Variants in COL4A4 observed in about 807,000 individuals in gnomAD.
COL4A4 encodes the protein collagen type IV alpha 4 chain.
In COL4A4, 105 loss-of-function variants were observed where a neutral mutation model predicts 192.9. The observed-to-expected ratio is 0.54, with a 90% CI of 0.46 to 0.64. The LOEUF is 0.64. COL4A4 is among the 30% of genes least tolerant of loss of function. The probability of loss-of-function intolerance (pLI) is 0.00; values close to 1 mark genes in which losing one functional copy is unlikely to be tolerated. For missense variants in COL4A4, 1,967 were observed against 2,169.3 expected (o/e 0.91, Z 1.85); for synonymous variants, 762 against 769.9 (o/e 0.99, Z 0.17).
chr2:226,998,455 G>GTCT (rs1253073029), downstream of COL4A4: 2 of 152,158 alleles, frequency 1.3e-5, no homozygotes, highest in African/African-American at 4.8e-5. Context: ...CTTGTTCCCA[G>GTCT]TCTTAGTTTT....
chr2:226,996,541 G>A, the COL4A4 span: 1 of 152,198 alleles, frequency 6.6e-6, no homozygotes, highest in Non-Finnish European at 1.5e-5. Flanking sequence ...GATCACTGAT[G>A]TCTTACTGTC....
At position 227,006,981 on chromosome 2, in the gene COL4A4, C is replaced by G; in HGVS notation, c.*344G>C. The G allele has an allele frequency of 2.9e-6, 1 of 342,134 alleles. No individual in the cohort carries two copies. Among genetic ancestry groups the G allele is most frequent in the Non-Finnish European group, 5.6e-6 (1 of 178,234 alleles). 21.2% of individuals were successfully genotyped at this position (342,134 alleles called of 1,614,324 possible). On this transcript the variant is annotated 3_prime_UTR_variant, in exon 48 of 48. Coordinates refer to ENST00000396625, the MANE Select transcript of COL4A4 (RefSeq NM_000092.5). ...CTTCAATTGTTTGAGATACTGTTAA[C>G]CCAAGAATGAAGTTTTCAGTAATGT... is the stretch of plus-strand genomic sequence containing the variant.
intron 35 of COL4A4, among the ~76,000 whole-genome samples, chr2:227,047,133 T>C (rs115448401): frequency 0.012 from 1,862 of 152,096 alleles, 29 homozygotes; most frequent in Admixed American, 0.025. Context: ...TTTTAAATGA[T>C]AGAGGGTGCA....
intron 37 of COL4A4, among the ~76,000 whole-genome samples, chr2:227,040,149 T>C (rs1402434217): frequency 2.6e-5 from 4 of 152,196 alleles, no homozygotes; most frequent in Non-Finnish European, 5.9e-5. Context: ...AAAGGATTAA[T>C]CCCAGAAGAA....
chr2:227,047,928 T>C (rs1004304574), intron 34 of COL4A4, among the ~76,000 whole-genome samples: 1 of 152,168 alleles, frequency 6.6e-6, no homozygotes, highest in Non-Finnish European at 1.5e-5. Context: ...TGTAACTGTT[T>C]TCACTGCTGC....
downstream of COL4A4, among the ~76,000 whole-genome samples, chr2:227,000,066 T>TATC (rs1299817570): frequency 6.6e-6 from 1 of 152,258 alleles, no homozygotes; most frequent in African/African-American, 2.4e-5. Context: ...CTTGAGATAC[T>TATC]ATCTCTTTAC....
rs1961586446 is a variant in COL4A4, at chr2:227,004,196, AAG to A, written c.*3127_*3128del. ...AAGGAAGTGCACTGAGACATTAAAG[AAG>A]CAATGGGGAACGGAGAAAATGAGGA... On this transcript the variant is annotated 3_prime_UTR_variant, in exon 48 of 48. Coordinates refer to ENST00000396625, the MANE Select transcript of COL4A4 (RefSeq NM_000092.5). The A allele has an allele frequency of 6.6e-6, 1 of 152,288 alleles. No homozygotes were observed. Among genetic ancestry groups the A allele is most frequent in the Admixed American group, 6.5e-5 (1 of 15,286 alleles). 9.4% of individuals were successfully genotyped at this position (152,288 alleles called of 1,614,324 possible). A position where few individuals can be genotyped will look rare whatever the true frequency, so the allele number is the denominator to read the frequency against.
chr2:227,042,589 A>G (rs1446817226), intron 36 of COL4A4, among the ~76,000 whole-genome samples: 1 of 152,152 alleles, frequency 6.6e-6, no homozygotes, highest in Non-Finnish European at 1.5e-5. Context: ...ACAAAACAGC[A>G]TCCTGAATGG....
At chr2:227,092,076 G>C (rs2059972076) in intron 20 of COL4A4, among the ~76,000 whole-genome samples, 1 of 151,778 alleles carries the variant, frequency 6.6e-6, no homozygotes, top group Non-Finnish European at 1.5e-5. Flanking sequence ...CAAAAAAAAA[G>C]AGCTCCTATG....
rs754381018 is a variant in COL4A4, at chr2:227,047,152, C to T, written c.3289+323G>A. On this transcript the variant is annotated intron_variant, in intron 35 of 47. Transcript: ENST00000396625. Reference sequence around the variant, plus strand: ...AAATGATAGAGGGTGCAAAATGGTCCAGATTTTAATTGTTTGCAATATTCA... The same window carrying T: ...AAATGATAGAGGGTGCAAAATGGTCTAGATTTTAATTGTTTGCAATATTCA... Among the ~76,000 whole-genome samples, 26 of 151,844 alleles carry T rather than the reference C, an allele frequency of 1.7e-4. 1 individual carries two copies. The highest frequency in any genetic ancestry group is 3.7e-4 in the Non-Finnish European group (25 of 68,012).
At chr2:227,130,104 G>A (rs575699294) in intron 4 of COL4A4, among the ~76,000 whole-genome samples, 1 of 152,296 alleles carries the variant, frequency 6.6e-6, no homozygotes, top group Non-Finnish European at 1.5e-5. Flanking sequence ...ATAACAAAAG[G>A]TGTTATCAAC....
intron 37 of COL4A4, among the ~76,000 whole-genome samples, chr2:227,033,776 G>T (rs1325595050): frequency 6.6e-6 from 1 of 152,202 alleles, no homozygotes; most frequent in Non-Finnish European, 1.5e-5. Flanking sequence ...CTGAATCTTG[G>T]CATAGGAAGT....
chr2:227,096,568 A>G (rs1306565981), intron 19 of COL4A4, among the ~76,000 whole-genome samples: 1 of 152,202 alleles, frequency 6.6e-6, no homozygotes, highest in Non-Finnish European at 1.5e-5. Flanking sequence ...TTTAGGCCAA[A>G]TATCTGTAGT....
chr2:226,981,134 G>A, the COL4A4 span, among the ~76,000 whole-genome samples: 28 of 152,026 alleles, frequency 1.8e-4, no homozygotes, highest in Admixed American at 1.3e-4. Flanking sequence ...ACCAAACACC[G>A]CATGTTCTCA....
chr2:227,138,552 G>A (rs1023792370), intron 4 of COL4A4, among the ~76,000 whole-genome samples: 1 of 151,386 alleles, frequency 6.6e-6, no homozygotes, highest in African/African-American at 2.4e-5. Flanking sequence ...AGAATGGCGT[G>A]AACCTGAGAG....
chr2:227,090,583 T>C (rs1429477079), intron 20 of COL4A4, among the ~76,000 whole-genome samples: 1 of 151,370 alleles, frequency 6.6e-6, no homozygotes, highest in African/African-American at 2.4e-5. Context: ...ACCCCCCCCA[T>C]CTCTGCAAAA....
At chr2:227,101,092 G>A (rs1576505679) in intron 17 of COL4A4, among the ~76,000 whole-genome samples, 1 of 152,294 alleles carries the variant, frequency 6.6e-6, no homozygotes, top group East Asian at 1.9e-4. Flanking sequence ...ACAGGCTTGA[G>A]CCACCACGCC....
intron 2 of COL4A4, among the ~76,000 whole-genome samples, chr2:227,146,756 C>T (rs986855826): frequency 6.6e-6 from 1 of 152,158 alleles, no homozygotes; most frequent in Admixed American, 6.5e-5. Context: ...CCCCCTCAAC[C>T]TTCAGAGCCA....
At chr2:227,036,742 A>G (rs1250433058) in intron 37 of COL4A4, among the ~76,000 whole-genome samples, 1 of 152,168 alleles carries the variant, frequency 6.6e-6, no homozygotes, top group Non-Finnish European at 1.5e-5. Context: ...CAGAACAAAC[A>G]GGCAATTACA....
Sources: gnomAD v4.1 joint callset for allele counts (sites outside exome capture counted in the v4.1 genomes callset) on GRCh38, gnomAD v4.1.1 for gene constraint, MANE v1.5 for transcripts, NCBI Gene and HGNC (gene_info 2026-07-23, HGNC 2026-07-21) for gene names.